The following DHX40 variants were observed in gnomAD, a reference collection of about 807,000 sequenced individuals.
DHX40 encodes the protein probable ATP-dependent RNA helicase DHX40.
In DHX40, 28 loss-of-function variants were observed where a neutral mutation model predicts 89.6. That is an observed-to-expected ratio of 0.31 (90% CI 0.23 to 0.43). DHX40 has a LOEUF of 0.43. Among genes scored for constraint, DHX40 ranks in the 20% least tolerant of loss-of-function variants. DHX40 has a pLI of 1.00. For synonymous variants in DHX40, 226 were observed against 283.6 expected (o/e 0.80, Z 2.04); for missense variants, 457 against 844.0 (o/e 0.54, Z 5.68).
In DHX40 at chr17:59,568,152, C is replaced by A. The variant is rs376233148; in HGVS notation, c.280+1358C>A. On this transcript the variant is annotated intron_variant, in intron 2 of 17. Transcript: ENST00000251241. ...CTGAGGCGGGAGAATCACTTGAACC[C>A]AGGAGGCAGAGGTTGCAGTGAGCTG... Among the ~76,000 whole-genome samples, 9 of 152,214 alleles carry A rather than the reference C, an allele frequency of 5.9e-5. No individual in the cohort carries two copies. The East Asian group carries it at 1.2e-3, about 20-fold the overall frequency.
At chr17:59,569,143 A>G (rs1281045270) in intron 2 of DHX40, among the ~76,000 whole-genome samples, 1 of 152,106 alleles carries the variant, frequency 6.6e-6, no homozygotes, top group Admixed American at 6.6e-5. Context: ...AGCCTGGCCA[A>G]CATGGTGAAA....
chr17:59,602,467 G>A, intron 14 of DHX40, 55 bp from the exon 15 acceptor site: 1 of 1,426,068 alleles, frequency 7.0e-7, no homozygotes. Context: ...CAAAATAAAA[G>A]ATTATTTCAA....
intron 2 of DHX40, among the ~76,000 whole-genome samples, chr17:59,570,157 C>T (rs2333552): frequency 0.41 from 49,166 of 119,754 alleles, 13,338 homozygotes; most frequent in African/African-American, 0.78. Context: ...TTATATAATA[C>T]ATATAATATG....
At chr17:59,601,525 C>A (rs1223052961) in intron 14 of DHX40, among the ~76,000 whole-genome samples, 1 of 151,988 alleles carries the variant, frequency 6.6e-6, no homozygotes, top group Non-Finnish European at 1.5e-5. Flanking sequence ...TGTTGGATTT[C>A]AGTCTTTAAA....
chr17:59,601,900 C>G (rs1440209709), intron 14 of DHX40, among the ~76,000 whole-genome samples: 1 of 152,194 alleles, frequency 6.6e-6, no homozygotes, highest in Non-Finnish European at 1.5e-5. Flanking sequence ...AGTACTCTTC[C>G]TAACATCACA....
At chr17:59,594,757 C>A (rs1364961954) in intron 12 of DHX40, among the ~76,000 whole-genome samples, 1 of 152,020 alleles carries the variant, frequency 6.6e-6, no homozygotes, top group Admixed American at 6.6e-5. Context: ...TCTTCCCTAC[C>A]GAGTAGCATT....
At chr17:59,598,016 A>G (rs1413325016) in intron 12 of DHX40, among the ~76,000 whole-genome samples, 1 of 148,946 alleles carries the variant, frequency 6.7e-6, no homozygotes. Flanking sequence ...ACAGGCATGC[A>G]TCACCATGCC....
chr17:59,593,910 G>A (rs2049115423), intron 12 of DHX40, among the ~76,000 whole-genome samples: 1 of 149,484 alleles, frequency 6.7e-6, no homozygotes, highest in Admixed American at 6.7e-5. Flanking sequence ...GTCAACTCCA[G>A]CGGTCAGTCA....
At chr17:59,576,852 T>G (rs2143243966) in intron 7 of DHX40, among the ~76,000 whole-genome samples, 1 of 152,152 alleles carries the variant, frequency 6.6e-6, no homozygotes, top group South Asian at 2.1e-4. Context: ...ATGTTCTGGA[T>G]TTTCTCTTGC....
At chr17:59,587,550 C>T (rs1015413044) in intron 11 of DHX40, among the ~76,000 whole-genome samples, 2 of 150,678 alleles carry the variant, frequency 1.3e-5, no homozygotes, top group Non-Finnish European at 3.0e-5. Context: ...CTTTGCCTCC[C>T]GGGTTTGAGT....
intron 12 of DHX40, among the ~76,000 whole-genome samples, 195 bp downstream of exon 12, chr17:59,588,248 AC>A (rs1329476969): frequency 2.7e-5 from 4 of 149,284 alleles, no homozygotes; most frequent in African/African-American, 1.0e-4. Flanking sequence ...AAAACCAAAA[AC>A]AAAATTAATA....
intron 12 of DHX40, among the ~76,000 whole-genome samples, chr17:59,595,208 C>T (rs1268898888): frequency 2.0e-4 from 30 of 151,840 alleles, no homozygotes; most frequent in African/African-American, 6.8e-4. Context: ...CTCAGCCTCC[C>T]GAGTAGCTGA....
At position 59,566,792 on chromosome 17, in the gene DHX40, C is replaced by G. The variant is rs2143180736; in HGVS notation, c.278C>G (p.Ala93Gly). ...TTQLPKYLYE[A>G]GFSQHGMIGV... ...CAACTCCCAAAATATCTATATGAAG[C>G]AGGTGATTTTTTTCTGTTGTAATAA... Residue 93 changes from alanine (A) to glycine (G), a missense_variant and splice_region_variant, in exon 2 of 18, where the codon GCA (alanine) becomes GGA (glycine). Ala to Gly is a moderately conservative substitution (Grantham distance 60). Transcript: ENST00000251241. The G allele has an allele frequency of 6.4e-7, 1 of 1,565,012 alleles. No individual in the cohort carries two copies. The highest frequency in any genetic ancestry group is 8.6e-7 in the Non-Finnish European group (1 of 1,164,398).
chr17:59,576,035 G>A (rs1472111267), intron 7 of DHX40, among the ~76,000 whole-genome samples: 4 of 142,160 alleles, frequency 2.8e-5, no homozygotes, highest in Middle Eastern at 3.7e-3. Flanking sequence ...GATTGCAGGC[G>A]CTCGCCACCA....
At chr17:59,588,576 C>G (rs891811579) in intron 12 of DHX40, among the ~76,000 whole-genome samples, 2 of 152,152 alleles carry the variant, frequency 1.3e-5, no homozygotes, top group South Asian at 4.1e-4. Context: ...AGGTCATCTG[C>G]CCGCCTTGGC....
chr17:59,576,370 G>A (rs1022551033), intron 7 of DHX40, among the ~76,000 whole-genome samples: 2 of 150,988 alleles, frequency 1.3e-5, no homozygotes, highest in African/African-American at 4.9e-5. Context: ...CTTTTATTAT[G>A]GAATTTAACT....
chr17:59,599,818 TC>T (rs1035992402), intron 14 of DHX40, among the ~76,000 whole-genome samples: 2 of 148,010 alleles, frequency 1.4e-5, no homozygotes, highest in Non-Finnish European at 3.0e-5. Context: ...TTTCTCATCC[TC>T]CCCCCCACCT....
At chr17:59,569,361 TAAATAAATC>T (rs1424648831) in intron 2 of DHX40, among the ~76,000 whole-genome samples, 2 of 144,844 alleles carry the variant, frequency 1.4e-5, no homozygotes, top group East Asian at 4.0e-4. Context: ...AATAAATAAA[TAAATAAATC>T]CAGTTTTACT....
At chr17:59,595,155 C>T (rs2029947724) in intron 12 of DHX40, among the ~76,000 whole-genome samples, 1 of 151,790 alleles carries the variant, frequency 6.6e-6, no homozygotes, top group Non-Finnish European at 1.5e-5. Context: ...ACAATCTCAA[C>T]TCACCACAAC....
Sources: gnomAD v4.1 joint callset for allele counts (sites outside exome capture counted in the v4.1 genomes callset) on GRCh38, gnomAD v4.1.1 for gene constraint, MANE v1.5 for transcripts, NCBI Gene and HGNC (gene_info 2026-07-23, HGNC 2026-07-21) for gene names.